The following HORMAD1 variants were observed in gnomAD, a reference collection of about 807,000 sequenced individuals.
HORMAD1 encodes the protein HORMA domain-containing protein 1.
Under a neutral mutation model 58.2 loss-of-function variants are expected in HORMAD1, and 33 were observed. The ratio of observed to expected loss-of-function variants is 0.57; its 90% CI spans 0.43 to 0.76. HORMAD1 has a LOEUF of 0.76. Ranked by LOEUF, HORMAD1 falls within the 30% of genes least tolerant of loss-of-function variation. HORMAD1 has a pLI of 0.00. For missense variants in HORMAD1, 363 were observed against 462.0 expected (o/e 0.79, Z 1.96); for synonymous variants, 137 against 144.6 (o/e 0.95, Z 0.38).
intron 13 of HORMAD1, 99 bp downstream of exon 13, chr1:150,703,211 T>C: frequency 1.5e-6 from 1 of 688,816 alleles, no homozygotes; most frequent in Non-Finnish European, 2.6e-6. Context: ...AATAGGTACT[T>C]AGTAAATACT....
At chr1:150,719,675 G>T (rs1287268673) in intron 1 of HORMAD1, 137 bp from the exon 2 acceptor site, 1 of 484,164 alleles carries the variant, frequency 2.1e-6, no homozygotes, top group Non-Finnish European at 3.7e-6. Flanking sequence ...CTTCAAAAAC[G>T]TAGAGGTCGA....
At chr1:150,699,937 T>C (rs973241494) in intron 14 of HORMAD1, among the ~76,000 whole-genome samples, 175 bp downstream of exon 14, 1 of 152,136 alleles carries the variant, frequency 6.6e-6, no homozygotes, top group African/African-American at 2.4e-5. Context: ...ACATAGGGCA[T>C]CTTATTTCAA....
intron 9 of HORMAD1, 101 bp downstream of exon 9, chr1:150,708,155 C>T: frequency 1.1e-6 from 1 of 890,784 alleles, no homozygotes; most frequent in Non-Finnish European, 1.6e-6. Flanking sequence ...TTTATAATTT[C>T]AAAAAATTTA....
intron 7 of HORMAD1, among the ~76,000 whole-genome samples, chr1:150,711,285 T>C (rs752142259): frequency 4.6e-5 from 7 of 151,908 alleles, no homozygotes; most frequent in Non-Finnish European, 7.4e-5. Flanking sequence ...GTCAGGAGAT[T>C]TAAGTTAAGT....
At chr1:150,711,361 T>C (rs1651897386) in intron 7 of HORMAD1, among the ~76,000 whole-genome samples, 184 bp downstream of exon 7, 1 of 152,180 alleles carries the variant, frequency 6.6e-6, no homozygotes, top group Non-Finnish European at 1.5e-5. Context: ...CTAATCTGTT[T>C]AAAGGTAACA....
intron 13 of HORMAD1, among the ~76,000 whole-genome samples, chr1:150,701,566 G>C (rs1651538869): frequency 2.6e-5 from 4 of 152,102 alleles, no homozygotes; most frequent in African/African-American, 9.7e-5. Context: ...CTCTGAGTGG[G>C]GAGTTGGGAA....
In HORMAD1 at chr1:150,704,361, G is replaced by A. The variant is rs1286032370; in HGVS notation, c.805-18C>T. On this transcript the variant is annotated intron_variant, in intron 10 of 14. Coordinates refer to ENST00000361824, the MANE Select transcript of HORMAD1 (RefSeq NM_032132.5). ...AAATCATCCTACATAATTATGTGAA[G>A]AAAAAAATTGACACATTTCAAAAAG... 1 of 1,467,170 alleles carries A rather than the reference G, an allele frequency of 6.8e-7. No individual in the cohort carries two copies. Among genetic ancestry groups the A allele is most frequent in the African/African-American group, 1.4e-5 (1 of 70,064 alleles). 90.9% of individuals were successfully genotyped at this position (1,467,170 alleles called of 1,614,324 possible).
At chr1:150,717,081 C>A in intron 3 of HORMAD1, 57 bp downstream of exon 3, 1 of 1,139,288 alleles carries the variant, frequency 8.8e-7, no homozygotes, top group Non-Finnish European at 1.2e-6. Context: ...AGTTTTGGAG[C>A]AAGCAAAAAT....
In HORMAD1 at chr1:150,700,159, AT is replaced by A; in HGVS notation, c.1056del (p.Lys352AsnfsTer17). 1.9e-6 allele frequency: 3 copies of A among 1,583,958 alleles called. No homozygotes were observed. Among genetic ancestry groups the A allele is most frequent in the Non-Finnish European group, 2.6e-6 (3 of 1,153,354 alleles). On this transcript the variant is annotated frameshift_variant, in exon 14 of 15. Coordinates refer to ENST00000361824, the MANE Select transcript of HORMAD1 (RefSeq NM_032132.5). LOFTEE classifies it high-confidence loss of function. Reference sequence around the variant, plus strand: ...CTTCTCTTCCGATTTTCTTTGGAAGATTTTACTGGTTGATTTCCATTTGCCT... The same window carrying A: ...CTTCTCTTCCGATTTTCTTTGGAAGATTTACTGGTTGATTTCCATTTGCCT... ...NKMANGNQPVKSSKENRKRSQ... is the reference protein window; with the variant it reads ...NKMANGNQPVXSSKENRKRSQ...
intron 14 of HORMAD1, 104 bp from the exon 15 acceptor site, chr1:150,698,838 T>C (rs1241888666): frequency 1.5e-6 from 1 of 668,590 alleles, no homozygotes; most frequent in Non-Finnish European, 2.5e-6. Flanking sequence ...TTTAAAAAAA[T>C]TTATGCCTAG....
At chr1:150,698,965 GC>G in intron 14 of HORMAD1, 1 of 376,430 alleles carries the variant, frequency 2.7e-6, no homozygotes, top group Non-Finnish European at 4.8e-6. Context: ...CAGTAGGGCT[GC>G]TCTAGAAGTG....
At chr1:150,701,907 T>G (rs759757423) in intron 13 of HORMAD1, 2 of 152,168 alleles carry the variant, frequency 1.3e-5, no homozygotes, top group Non-Finnish European at 2.9e-5. Context: ...TAGAACGATA[T>G]AGAGAAGATT....
chr1:150,716,150 CTTTTTTTTTTTTTT>C lies in HORMAD1; in HGVS notation c.178+974_178+987del, dbSNP rs752800084. On this transcript the variant is annotated intron_variant, in intron 3 of 14. Coordinates refer to ENST00000361824, the MANE Select transcript of HORMAD1 (RefSeq NM_032132.5). ...AGTGAAAGCCAGTCACAAAGGACCA[CTTTTTTTTTTTTTT>C]TTTTTTTTTTTTTTTTTGAGACTGA... Among the ~76,000 whole-genome samples, 9 of 68,774 alleles carry C rather than the reference CTTTTTTTTTTTTTT, an allele frequency of 1.3e-4. No homozygotes were observed. The South Asian group carries it at 2.9e-3, about 22-fold the overall frequency. The allele number at this position is 68,774 out of a possible 152,430, so 45.1% of individuals were successfully genotyped here. A position where few individuals can be genotyped will look rare whatever the true frequency, so the allele number is the denominator to read the frequency against.
intron 14 of HORMAD1, chr1:150,698,997 T>C (rs1651454579): frequency 3.6e-6 from 1 of 277,248 alleles, no homozygotes; most frequent in African/African-American, 2.2e-5. Context: ...TTTAACATTA[T>C]GTCCTCAAAA....
chr1:150,705,780 T>C (rs1173309725), intron 10 of HORMAD1, among the ~76,000 whole-genome samples: 2 of 152,180 alleles, frequency 1.3e-5, no homozygotes, highest in Non-Finnish European at 2.9e-5. Flanking sequence ...TGAAAATTGA[T>C]TGAATTTTCT....
intron 4 of HORMAD1, 83 bp from the exon 5 acceptor site, chr1:150,714,204 A>C: frequency 5.2e-5 from 42 of 805,408 alleles, no homozygotes; most frequent in Non-Finnish European, 7.4e-5. Context: ...ATATTATCTC[A>C]TTACTAAATA....
chr1:150,718,765 C>T (rs1453046668), intron 2 of HORMAD1, among the ~76,000 whole-genome samples: 2 of 152,142 alleles, frequency 1.3e-5, no homozygotes, highest in Non-Finnish European at 2.9e-5. Context: ...GCTGAGACTA[C>T]AGGCGTGAGC....
chr1:150,703,034 C>T (rs1249624612), intron 13 of HORMAD1, among the ~76,000 whole-genome samples: 1 of 152,186 alleles, frequency 6.6e-6, no homozygotes, highest in Non-Finnish European at 1.5e-5. Context: ...AATATACCTT[C>T]AGTAAAATTA....
Position 150,698,222 on chromosome 1 carries a change from A to C in HORMAD1, c.*432T>G, listed in dbSNP as rs1326851364. On this transcript the variant is annotated 3_prime_UTR_variant, in exon 15 of 15. Coordinates refer to ENST00000361824, the MANE Select transcript of HORMAD1 (RefSeq NM_032132.5). ...ACATTATGTCAAAATATTGAAGAAC[A>C]TTGTTTTAATAACAGCACAATGACA... is the stretch of plus-strand genomic sequence containing the variant. 3 of 152,430 alleles carry C rather than the reference A, an allele frequency of 2.0e-5. No individual in the cohort carries two copies. The highest frequency in any genetic ancestry group is 6.5e-5 in the Admixed American group (1 of 15,278). The allele number at this position is 152,430 out of a possible 1,614,324, so 9.4% of individuals were successfully genotyped here. A position where few individuals can be genotyped will look rare whatever the true frequency, so the allele number is the denominator to read the frequency against.
Sources: allele counts gnomAD v4.1 joint callset (sites outside exome capture counted in the v4.1 genomes callset), GRCh38; gene constraint gnomAD v4.1.1; transcripts MANE v1.5; gene names NCBI Gene and HGNC (gene_info 2026-07-23, HGNC 2026-07-21).